The following LPP variants were observed in gnomAD, a reference collection of about 807,000 sequenced individuals.
The protein encoded by LPP is lipoma-preferred partner.
A neutral mutation model predicts 60.4 loss-of-function variants in LPP; 38 were observed. The observed-to-expected ratio is 0.63, with a 90% confidence interval of 0.49 to 0.83. LPP has a LOEUF of 0.83. Among genes scored for constraint, LPP ranks in the 40% least tolerant of loss-of-function variants. LPP has a pLI of 0.00. For synonymous variants in LPP, 328 were observed against 290.8 expected (o/e 1.13, Z -1.30); for missense variants, 902 against 783.6 (o/e 1.15, Z -1.80).
At chr3:188,341,161 C>G (rs930455400) in intron 2 of LPP, among the ~76,000 whole-genome samples, 2 of 152,100 alleles carry the variant, frequency 1.3e-5, no homozygotes, top group African/African-American at 4.8e-5. Flanking sequence ...CTCTCTCCAC[C>G]AAGCCTTGTG....
chr3:188,607,390 T>C (rs917088290), intron 6 of LPP, among the ~76,000 whole-genome samples: 1 of 28,384 alleles, frequency 3.5e-5, no homozygotes, highest in Admixed American at 3.7e-4. Flanking sequence ...TATATATATA[T>C]ATATATATAT....
intron 2 of LPP, among the ~76,000 whole-genome samples, chr3:188,304,727 T>G (rs1028492567): frequency 6.6e-6 from 1 of 152,160 alleles, no homozygotes; most frequent in African/African-American, 2.4e-5. Context: ...TCTTTTCCCA[T>G]GTGTTTTGAC....
At chr3:188,607,638 C>T (rs941338281) in intron 6 of LPP, among the ~76,000 whole-genome samples, 2 of 151,398 alleles carry the variant, frequency 1.3e-5, no homozygotes, top group Non-Finnish European at 2.9e-5. Context: ...CATTTCATTT[C>T]GTTTTTGTTT....
rs769521286 is a variant in LPP, at chr3:188,609,696, A to T, written c.965A>T (p.His322Leu). 1 of 1,614,140 alleles carries T rather than the reference A, an allele frequency of 6.2e-7. No homozygotes were observed. Among genetic ancestry groups the T allele is most frequent in the Non-Finnish European group, 8.5e-7 (1 of 1,180,018 alleles). The change falls in exon 7 of 12, where the codon CAC becomes CTC. Residue 322 changes from histidine to leucine, a missense_variant. Physicochemically the swap from His to Leu is moderately conservative, Grantham distance 99. Transcript: ENST00000617246. This position sits in a 1 kb window ranked among gnomAD's most constrained non-coding sequence, Gnocchi z 6.9. The stretch of plus-strand genomic sequence containing the variant: ...GACCCTACCTATGGTCAACAAGGTC[A>T]CCCAAATACCTGGAAACGGGAACCA... ...DSDPTYGQQGHPNTWKREPGY... is the reference protein window; with the variant it reads ...DSDPTYGQQGLPNTWKREPGY...
intron 9 of LPP, among the ~76,000 whole-genome samples, chr3:188,853,065 G>A (rs1426782294): frequency 3.3e-5 from 5 of 152,004 alleles, no homozygotes; most frequent in Non-Finnish European, 7.4e-5. Flanking sequence ...CAGGAGAATC[G>A]CTTGAACCCG....
chr3:188,656,308 C>T (rs188461209), intron 7 of LPP, among the ~76,000 whole-genome samples: 1 of 152,142 alleles, frequency 6.6e-6, no homozygotes, highest in South Asian at 2.1e-4. Context: ...ACCTGACTGC[C>T]TCCTTCCACA....
At chr3:188,741,948 A>G (rs940160294) in intron 8 of LPP, among the ~76,000 whole-genome samples, 6 of 152,108 alleles carry the variant, frequency 3.9e-5, no homozygotes, top group Non-Finnish European at 8.8e-5. Context: ...CAAGAAGAAG[A>G]CAAAGAATGC....
In LPP at chr3:188,233,188, A is replaced by C. The variant is rs942997153; in HGVS notation, c.-67+7661A>C. On this transcript the variant is annotated intron_variant, in intron 2 of 11. Coordinates refer to ENST00000617246, the MANE Select transcript of LPP (RefSeq NM_001375462.1). ...CTCCCAAGGCCTAACTACAAACATC[A>C]TAATGTGCTCATGTTTTCTGATACC... Among the ~76,000 whole-genome samples, 9 of 152,336 alleles carry C rather than the reference A, an allele frequency of 5.9e-5. 1 individual carries two copies. In the Middle Eastern group the frequency reaches 0.017, roughly 288 times the overall value.
In LPP at chr3:188,609,641, G is replaced by A. The variant is rs1353300894; in HGVS notation, c.910G>A (p.Gly304Arg). 21 of 1,614,020 alleles carry A rather than the reference G, an allele frequency of 1.3e-5. No individual in the cohort carries two copies. The highest frequency in any genetic ancestry group is 1.7e-5 in the Non-Finnish European group (20 of 1,180,012). ...GRYYEGYYAAGPGYGGRNDSD... is the reference protein window; with the variant it reads ...GRYYEGYYAARPGYGGRNDSD... ...CTATTATGAAGGCTACTATGCAGCAGGGCCAGGCTATGGGGGCAGAAATGA... is the reference window on the plus strand; with the variant it reads ...CTATTATGAAGGCTACTATGCAGCAAGGCCAGGCTATGGGGGCAGAAATGA... The change falls in exon 7 of 12, where the codon GGG becomes AGG. Residue 304 changes from glycine to arginine, a missense_variant. Physicochemically the swap from Gly to Arg is moderately radical, Grantham distance 125. Coordinates refer to ENST00000617246, the MANE Select transcript of LPP (RefSeq NM_001375462.1). The surrounding 1 kb of genome is among the most constrained non-coding windows in gnomAD (Gnocchi z 6.9).
chr3:188,415,345 A>C (rs996698314), intron 4 of LPP, among the ~76,000 whole-genome samples: 1 of 152,120 alleles, frequency 6.6e-6, no homozygotes, highest in Admixed American at 6.6e-5. Context: ...CATGTGCAAA[A>C]TTTTGTAGCC....
At position 188,375,023 on chromosome 3, in the gene LPP, A is replaced by T. The variant is rs538419452; in HGVS notation, c.-9-31089A>T. ...CTGGATTACATTTATTGATTTGTGT[A>T]TGTTGAACCAGCCTTGCATCCCAGG... On this transcript the variant is annotated intron_variant, in intron 3 of 11. Coordinates refer to ENST00000617246, the MANE Select transcript of LPP (RefSeq NM_001375462.1). Among the ~76,000 whole-genome samples, 11 of 152,254 alleles carry T rather than the reference A, an allele frequency of 7.2e-5. No individual in the cohort carries two copies. In the South Asian group the frequency reaches 2.3e-3, roughly 32 times the overall value.
intron 5 of LPP, among the ~76,000 whole-genome samples, chr3:188,489,306 T>C (rs909141723): frequency 1.3e-5 from 2 of 152,172 alleles, no homozygotes; most frequent in Non-Finnish European, 2.9e-5. Flanking sequence ...ATCAGAAGCA[T>C]AATCTAAGTC....
chr3:188,335,829 A>G (rs1761470258), intron 2 of LPP, among the ~76,000 whole-genome samples: 1 of 151,998 alleles, frequency 6.6e-6, no homozygotes, highest in Non-Finnish European at 1.5e-5. Flanking sequence ...ATGTCTTTGC[A>G]TCCGGTGGAA....
intron 8 of LPP, among the ~76,000 whole-genome samples, chr3:188,754,308 G>T (rs2150374926): frequency 6.6e-6 from 1 of 152,200 alleles, no homozygotes; most frequent in South Asian, 2.1e-4. Context: ...TTCAATGGAT[G>T]GAAAGCCATT....
chr3:188,377,035 C>T (rs1018914034), intron 3 of LPP, among the ~76,000 whole-genome samples: 2 of 152,188 alleles, frequency 1.3e-5, no homozygotes, highest in Admixed American at 1.3e-4. Flanking sequence ...ATATTGGTCC[C>T]CGCTCTCTTC....
chr3:188,781,251 A>T (rs2150865641), intron 9 of LPP, among the ~76,000 whole-genome samples: 1 of 152,328 alleles, frequency 6.6e-6, no homozygotes, highest in East Asian at 1.9e-4. Flanking sequence ...AGGAAGGTGG[A>T]CACATGAGTG....
intron 7 of LPP, among the ~76,000 whole-genome samples, chr3:188,651,151 A>G (rs1005960748): frequency 1.3e-5 from 2 of 152,222 alleles, no homozygotes; most frequent in Admixed American, 6.5e-5. Context: ...TTCAACTTCA[A>G]CCAGTTTGTT....
intron 7 of LPP, among the ~76,000 whole-genome samples, chr3:188,646,559 T>C: frequency 6.6e-6 from 1 of 152,184 alleles, no homozygotes. Flanking sequence ...AGGTTGCCTA[T>C]AAAGGCAAGG....
chr3:188,601,480 A>G (rs1164500427), intron 6 of LPP, among the ~76,000 whole-genome samples: 2 of 152,184 alleles, frequency 1.3e-5, no homozygotes, highest in African/African-American at 4.8e-5. Flanking sequence ...TCGTCCCTAA[A>G]TCTAAATTAT....
Sources: allele counts gnomAD v4.1 joint callset (sites outside exome capture counted in the v4.1 genomes callset), GRCh38; gene constraint gnomAD v4.1.1; non-coding constraint Gnocchi (gnomAD v3.1); transcripts MANE v1.5; gene names NCBI Gene and HGNC (gene_info 2026-07-23, HGNC 2026-07-21).